CYB5R3: variants seen among roughly 807,000 people sequenced by gnomAD.
The protein encoded by CYB5R3 is cytochrome b5 reductase 3, also known as NADH-cytochrome b5 reductase 3.
CYB5R3 carries 28 observed loss-of-function variants against 36.5 expected under a neutral mutation model. That is an observed-to-expected ratio of 0.77 (90% CI 0.57 to 1.05). CYB5R3 has a LOEUF of 1.05. CYB5R3 is among the 50% of genes least tolerant of loss of function. CYB5R3 has a pLI of 0.00. For synonymous variants in CYB5R3, 181 were observed against 159.8 expected (o/e 1.13, Z -1.00); for missense variants, 474 against 408.9 (o/e 1.16, Z -1.37).
intron 1 of CYB5R3, among the ~76,000 whole-genome samples, chr22:42,642,749 A>G (rs2146908325): frequency 6.6e-6 from 1 of 152,324 alleles, no homozygotes; most frequent in South Asian, 2.1e-4. Flanking sequence ...GTAATTTGAA[A>G]TTATTTCAAA....
intron 1 of CYB5R3, chr22:42,647,177 G>A (rs978115290): frequency 3.7e-5 from 6 of 160,298 alleles, no homozygotes; most frequent in African/African-American, 9.6e-5. Flanking sequence ...TGGGCCAAGC[G>A]AGGATCCCAG....
rs1162130772 is a variant in CYB5R3, at chr22:42,619,642, G to A, written c.*131C>T. 1.1e-5 allele frequency: 9 copies of A among 850,592 alleles called. No homozygotes were observed. The highest frequency in any genetic ancestry group is 7.3e-6 in the Non-Finnish European group (4 of 549,836). The allele number at this position is 850,592 out of a possible 1,614,324, so 52.7% of individuals were successfully genotyped here. On this transcript the variant is annotated 3_prime_UTR_variant, in exon 9 of 9. Coordinates refer to ENST00000352397, the MANE Select transcript of CYB5R3 (RefSeq NM_000398.7). Reference sequence around the variant, plus strand: ...GGCTCCAGGGGAACTGCTCAGCCAGGTGATTCACCAGGGCACGGGCAGGCC... The same window carrying A: ...GGCTCCAGGGGAACTGCTCAGCCAGATGATTCACCAGGGCACGGGCAGGCC...
In CYB5R3 at chr22:42,631,247, C is replaced by T. The variant is rs1928600086; in HGVS notation, c.226+131G>A. ...TCCAACAGACTCGCCCTCAAAGGCC[C>T]AGGGCAGCTGTCACCTCCTCCTGAA... On this transcript the variant is annotated intron_variant, in intron 3 of 8. Coordinates refer to ENST00000352397, the MANE Select transcript of CYB5R3 (RefSeq NM_000398.7). The T allele has an allele frequency of 5.2e-6, 5 of 962,154 alleles. No homozygotes were observed. In the South Asian group the frequency reaches 6.3e-5, roughly 12 times the overall value. The allele number at this position is 962,154 out of a possible 1,614,324, so 59.6% of individuals were successfully genotyped here.
rs566783998 is a variant in CYB5R3 at position 42,627,179 on chromosome 22, C to A, written c.633+125G>T. On this transcript the variant is annotated intron_variant, in intron 7 of 8. Coordinates refer to ENST00000352397, the MANE Select transcript of CYB5R3 (RefSeq NM_000398.7). ...CGCCAGTGCACAGAACATTCAGGGCCCCCCATCCCGGTCATCCCCAGAATC... is the reference window on the plus strand; with the variant it reads ...CGCCAGTGCACAGAACATTCAGGGCACCCCATCCCGGTCATCCCCAGAATC... 101 of 835,964 alleles carry A rather than the reference C, an allele frequency of 1.2e-4. 1 individual carries two copies. The highest frequency in any genetic ancestry group is 1.2e-4 in the Non-Finnish European group (58 of 500,596). The allele number at this position is 835,964 out of a possible 1,614,324, so 51.8% of individuals were successfully genotyped here.
intron 1 of CYB5R3, among the ~76,000 whole-genome samples, chr22:42,639,567 G>C (rs1485877249): frequency 1.3e-5 from 2 of 151,730 alleles, no homozygotes; most frequent in Non-Finnish European, 2.9e-5. Context: ...GGCAGAGGTT[G>C]CAGTGAGCCG....
chr22:42,648,182 C>A (rs1459478576), intron 1 of CYB5R3, among the ~76,000 whole-genome samples: 1 of 151,564 alleles, frequency 6.6e-6, no homozygotes, highest in Non-Finnish European at 1.5e-5. Flanking sequence ...ACCACCCAAG[C>A]CAAGAGGCCT....
At chr22:42,631,524 C>A in intron 2 of CYB5R3, 74 bp from the exon 3 acceptor site, 1 of 1,306,646 alleles carries the variant, frequency 7.7e-7, no homozygotes, top group Non-Finnish European at 1.1e-6. Flanking sequence ...GGCCTCGGAG[C>A]CCCCATCCCA....
intron 2 of CYB5R3, among the ~76,000 whole-genome samples, chr22:42,635,936 C>T (rs1047716472): frequency 2.0e-5 from 3 of 152,142 alleles, no homozygotes; most frequent in African/African-American, 4.8e-5. Flanking sequence ...GGAGTCAGGC[C>T]GGGCACCACG....
chr22:42,645,257 G>A (rs1929485258), intron 1 of CYB5R3, among the ~76,000 whole-genome samples: 2 of 152,258 alleles, frequency 1.3e-5, no homozygotes, highest in Middle Eastern at 3.4e-3. Flanking sequence ...ACTCCACACA[G>A]AAAGCACTCA....
chr22:42,636,463 T>C (rs1346055108), intron 2 of CYB5R3, among the ~76,000 whole-genome samples: 1 of 152,076 alleles, frequency 6.6e-6, no homozygotes, highest in Admixed American at 6.6e-5. Flanking sequence ...TTCTGAGGGG[T>C]TCCTTCCATT....
At chr22:42,631,840 G>T in intron 2 of CYB5R3, 1 of 294,200 alleles carries the variant, frequency 3.4e-6, no homozygotes, top group Non-Finnish European at 6.7e-6. Flanking sequence ...GGGCAAACTG[G>T]GGCAGAGCTA....
chr22:42,632,175 G>T (rs779481506), intron 2 of CYB5R3: 1 of 152,832 alleles, frequency 6.5e-6, no homozygotes, highest in African/African-American at 2.4e-5. Flanking sequence ...GGCCAGGGAC[G>T]ATCACATAAT....
At chr22:42,631,556 C>G (rs908286656) in intron 2 of CYB5R3, 106 bp from the exon 3 acceptor site, 11 of 957,372 alleles carry the variant, frequency 1.1e-5, no homozygotes, top group Non-Finnish European at 1.8e-5. Context: ...TGTCCCCACC[C>G]TTCCCCAGTG....
chr22:42,619,831 G>C lies in CYB5R3; in HGVS notation c.848C>G (p.Ala283Gly). ...CACGTGGTCCAGGTTGGGAAGGCAGGCGTACTGGATCATGGGTGGGGGGCC... is the reference window on the plus strand; with the variant it reads ...CACGTGGTCCAGGTTGGGAAGGCAGCCGTACTGGATCATGGGTGGGGGGCC... ...MCGPPPMIQY[A>G]CLPNLDHVGH... Residue 283 changes from alanine to glycine, a missense_variant, in exon 9 of 9, where the codon GCC becomes GGC. By Grantham distance (60) the Ala-to-Gly change is moderately conservative (BLOSUM62 0). Transcript: ENST00000352397. The C allele has an allele frequency of 1.9e-6, 3 of 1,603,604 alleles. No homozygotes were observed. Among genetic ancestry groups the C allele is most frequent in the Non-Finnish European group, 2.6e-6 (3 of 1,176,458 alleles).
At chr22:42,629,342 T>C (rs2146880436) in intron 4 of CYB5R3, among the ~76,000 whole-genome samples, 1 of 152,278 alleles carries the variant, frequency 6.6e-6, no homozygotes, top group Middle Eastern at 3.4e-3. Context: ...GCTCCTTTTC[T>C]TCCTTCTTCA....
At chr22:42,627,137 C>T (rs536511331) in intron 7 of CYB5R3, among the ~76,000 whole-genome samples, 167 bp downstream of exon 7, 25 of 152,320 alleles carry the variant, frequency 1.6e-4, no homozygotes, top group South Asian at 8.3e-4. Context: ...GCCTGCCCGC[C>T]GTGCTGCTGC....
At chr22:42,634,152 G>C (rs1928757607) in intron 2 of CYB5R3, among the ~76,000 whole-genome samples, 1 of 150,538 alleles carries the variant, frequency 6.6e-6, no homozygotes, top group Non-Finnish European at 1.5e-5. Flanking sequence ...AGGAGTTCGA[G>C]ACCAGCCTGG....
intron 1 of CYB5R3, among the ~76,000 whole-genome samples, chr22:42,642,663 C>T (rs1011245480): frequency 1.3e-5 from 2 of 152,180 alleles, no homozygotes; most frequent in African/African-American, 4.8e-5. Context: ...TGGTCTCGAT[C>T]TCCTGACCTC....
chr22:42,649,345 C>T lies in CYB5R3; in HGVS notation c.-30G>A. 1.2e-6 allele frequency: 1 copy of T among 829,134 alleles called. No individual in the cohort carries two copies. Among genetic ancestry groups the T allele is most frequent in the Non-Finnish European group, 1.5e-6 (1 of 675,798 alleles). The allele number at this position is 829,134 out of a possible 1,614,324, so 51.4% of individuals were successfully genotyped here. ...GCCCCGCGCCGCGCTCGCTCTGTCG[C>T]CGCCGCCGCCGCCGCCGAGACCGTC... On this transcript the variant is annotated 5_prime_UTR_variant, in exon 1 of 9. Transcript: ENST00000352397.
Sources: allele counts gnomAD v4.1 joint callset (sites outside exome capture counted in the v4.1 genomes callset), GRCh38; gene constraint gnomAD v4.1.1; transcripts MANE v1.5; gene names NCBI Gene and HGNC (gene_info 2026-07-23, HGNC 2026-07-21).